Variants in PARD3 observed in about 807,000 individuals in gnomAD.
The protein encoded by PARD3 is partitioning defective 3 homolog.
PARD3 carries 75 observed loss-of-function variants against 155.4 expected under a neutral mutation model. The observed-to-expected ratio is 0.48, with a 90% CI of 0.40 to 0.58. PARD3 has a LOEUF of 0.58. Among genes scored for constraint, PARD3 ranks in the 20% least tolerant of loss-of-function variants. The pLI is 0.00. For missense variants in PARD3, 1,642 were observed against 1,721.7 expected, an observed-to-expected ratio of 0.95 and a Z score of 0.82; for synonymous variants, 576 against 610.5, an observed-to-expected ratio of 0.94 and a Z score of 0.83.
At chr10:34,351,550 T>A (rs1228063345) in intron 14 of PARD3, among the ~76,000 whole-genome samples, 1 of 152,222 alleles carries the variant, frequency 6.6e-6, no homozygotes, top group Non-Finnish European at 1.5e-5. Flanking sequence ...TGAAGGAAGA[T>A]TTAGAGCACA....
chr10:34,266,408 A>G (rs1160628074), intron 22 of PARD3, among the ~76,000 whole-genome samples: 1 of 152,216 alleles, frequency 6.6e-6, no homozygotes, highest in African/African-American at 2.4e-5. Flanking sequence ...TTGGATTAGT[A>G]ACATCAATCT....
chr10:34,783,781 G>A (rs1164172867), intron 1 of PARD3, among the ~76,000 whole-genome samples: 1 of 151,994 alleles, frequency 6.6e-6, no homozygotes, highest in Non-Finnish European at 1.5e-5. Flanking sequence ...ACTATTATTG[G>A]CTTAGTACGT....
At chr10:34,802,861 C>T (rs562086829) in intron 1 of PARD3, among the ~76,000 whole-genome samples, 1 of 152,084 alleles carries the variant, frequency 6.6e-6, no homozygotes, top group Admixed American at 6.6e-5. Flanking sequence ...TCCACCTGGC[C>T]TCCTACAATA....
intron 7 of PARD3, among the ~76,000 whole-genome samples, chr10:34,391,702 A>C (rs955146100): frequency 1.3e-5 from 2 of 152,248 alleles, no homozygotes; most frequent in African/African-American, 4.8e-5. Context: ...TTCTGAATAT[A>C]GATTAATTAC....
chr10:34,392,493 A>G (rs1842945168), intron 7 of PARD3, among the ~76,000 whole-genome samples: 1 of 152,214 alleles, frequency 6.6e-6, no homozygotes, highest in East Asian at 1.9e-4. Context: ...ATATCTGCCA[A>G]CATGAGTCAG....
At chr10:34,618,382 A>C (rs2091407484) in intron 2 of PARD3, among the ~76,000 whole-genome samples, 1 of 152,208 alleles carries the variant, frequency 6.6e-6, no homozygotes, top group African/African-American at 2.4e-5. Flanking sequence ...TTTCCAGCAT[A>C]CTTAAAATAG....
chr10:34,394,832 T>C (rs1473238553), intron 7 of PARD3, among the ~76,000 whole-genome samples: 1 of 152,076 alleles, frequency 6.6e-6, no homozygotes, highest in Admixed American at 6.5e-5. Flanking sequence ...CTAATATGGA[T>C]AGTCATGGGT....
At position 34,386,118 on chromosome 10, in the gene PARD3, T is replaced by C. The variant is rs79302102; in HGVS notation, c.891-1864A>G. On this transcript the variant is annotated intron_variant, in intron 7 of 24. Transcript: ENST00000374788. The stretch of plus-strand genomic sequence containing the variant: ...GGTCAACGATTAATTTCATTCTAAC[T>C]TTTATTAATAAATATAATAAGGTGG... Among the ~76,000 whole-genome samples the C allele has an allele frequency of 1.1e-3, 175 of 152,304 alleles. 1 individual carries two copies. In the East Asian group the frequency reaches 0.031, roughly 27 times the overall value.
intron 22 of PARD3, among the ~76,000 whole-genome samples, chr10:34,214,531 A>G (rs556577240): frequency 6.6e-6 from 1 of 152,118 alleles, no homozygotes; most frequent in Non-Finnish European, 1.5e-5. Flanking sequence ...CACAACCAAT[A>G]TATAAATGAA....
At chr10:34,240,252 T>C (rs892816069) in intron 22 of PARD3, among the ~76,000 whole-genome samples, 9 of 152,198 alleles carry the variant, frequency 5.9e-5, no homozygotes, top group African/African-American at 2.2e-4. Context: ...TCGTGACTTA[T>C]TAGGTAAGAG....
At chr10:34,520,232 T>C (rs983832902) in intron 2 of PARD3, among the ~76,000 whole-genome samples, 1 of 152,090 alleles carries the variant, frequency 6.6e-6, no homozygotes, top group African/African-American at 2.4e-5. Flanking sequence ...AGAAAACCAT[T>C]GTACAGTCAC....
chr10:34,444,342 C>T (rs1231346084), intron 5 of PARD3, among the ~76,000 whole-genome samples: 1 of 152,144 alleles, frequency 6.6e-6, no homozygotes, highest in Non-Finnish European at 1.5e-5. Flanking sequence ...TTATTAGTTG[C>T]AATAAAGTGT....
At chr10:34,324,182 T>C (rs926579268) in intron 19 of PARD3, among the ~76,000 whole-genome samples, 47 of 152,190 alleles carry the variant, frequency 3.1e-4, no homozygotes, top group African/African-American at 1.0e-3. Flanking sequence ...GATTATAAAA[T>C]AGTGAATGGC....
In PARD3 at chr10:34,126,173, G is replaced by C. The variant is rs34885934; in HGVS notation, c.3540+5290C>G. On this transcript the variant is annotated intron_variant, in intron 23 of 24. Coordinates refer to ENST00000374788, the MANE Select transcript of PARD3 (RefSeq NM_001184785.2). ...TGGGAGAGAATTCACTTCAATTATG[G>C]AGCTAAGGAAATTTTCTGGGCCTCT... Among the ~76,000 whole-genome samples the C allele has an allele frequency of 7.6e-3, 1,162 of 152,226 alleles. 4 individuals are homozygous for C. The highest frequency in any genetic ancestry group is 0.013 in the Admixed American group (200 of 15,278).
chr10:34,498,556 T>C (rs2080445911), intron 3 of PARD3, among the ~76,000 whole-genome samples: 1 of 152,084 alleles, frequency 6.6e-6, no homozygotes, highest in Non-Finnish European at 1.5e-5. Context: ...GCAGGAGGAT[T>C]GCATGAGGCC....
At chr10:34,541,124 G>C (rs1589940515) in intron 2 of PARD3, among the ~76,000 whole-genome samples, 1 of 152,158 alleles carries the variant, frequency 6.6e-6, no homozygotes, top group Non-Finnish European at 1.5e-5. Flanking sequence ...CTGATTTTTA[G>C]AAGACAAAGC....
chr10:34,268,918 A>G (rs1955475221), intron 22 of PARD3, among the ~76,000 whole-genome samples: 1 of 152,210 alleles, frequency 6.6e-6, no homozygotes, highest in Admixed American at 6.5e-5. Flanking sequence ...CCTAGAACTT[A>G]AAGTATAATA....
intron 2 of PARD3, among the ~76,000 whole-genome samples, chr10:34,672,752 T>C (rs1251140045): frequency 6.6e-6 from 1 of 152,238 alleles, no homozygotes; most frequent in Admixed American, 6.5e-5. Flanking sequence ...ATTAATCCTC[T>C]AACTATATGA....
At chr10:34,622,363 C>T (rs1289222130) in intron 2 of PARD3, among the ~76,000 whole-genome samples, 1 of 152,078 alleles carries the variant, frequency 6.6e-6, no homozygotes, top group Non-Finnish European at 1.5e-5. Context: ...CTCAAGATAC[C>T]ATAAATTAAC....
Sources: gnomAD v4.1 joint callset for allele counts (sites outside exome capture counted in the v4.1 genomes callset) on GRCh38, gnomAD v4.1.1 for gene constraint, MANE v1.5 for transcripts, NCBI Gene and HGNC (gene_info 2026-07-23, HGNC 2026-07-21) for gene names.